Variants in MYO18B observed in about 807,000 individuals in gnomAD.
MYO18B encodes myosin XVIIIB, also known as unconventional myosin-XVIIIb.
Under a neutral mutation model 273.0 loss-of-function variants are expected in MYO18B, and 204 were observed. The observed-to-expected ratio is 0.75, with a 90% CI of 0.67 to 0.84. The LOEUF is 0.84. MYO18B is among the 40% of genes least tolerant of loss of function. The probability of loss-of-function intolerance (pLI) is 0.00; values close to 1 mark genes in which losing one functional copy is unlikely to be tolerated. For missense variants in MYO18B, 3,212 were observed against 3,287.6 expected (o/e 0.98, Z 0.56); for synonymous variants, 1,330 against 1,305.7 (o/e 1.02, Z -0.40).
chr22:25,939,903 TAAC>T (rs2146547305), intron 34 of MYO18B, among the ~76,000 whole-genome samples: 1 of 152,338 alleles, frequency 6.6e-6, no homozygotes, highest in African/African-American at 2.4e-5. Context: ...TCCTCAACTA[TAAC>T]AACAGGAATG....
At chr22:25,904,216 G>T (rs2146351251) in intron 31 of MYO18B, among the ~76,000 whole-genome samples, 1 of 152,266 alleles carries the variant, frequency 6.6e-6, no homozygotes, top group South Asian at 2.1e-4. Flanking sequence ...AAGTCAGATT[G>T]TTTTTCTCTT....
At chr22:25,855,922 A>T (rs1275200589) in intron 21 of MYO18B, among the ~76,000 whole-genome samples, 1 of 151,852 alleles carries the variant, frequency 6.6e-6, no homozygotes, top group Non-Finnish European at 1.5e-5. Flanking sequence ...TTTGGTGTAC[A>T]GATAAGTTCA....
rs747086507 is a variant in MYO18B, at chr22:25,847,472, A to G, written c.3595A>G (p.Ile1199Val). ...SMIKRSRLHF[I>V]HCLVPNPVVE... ...GATCAAAAGGTCCCGGCTGCACTTTATCCACTGCCTGGTACCAAACCCTGT... is the reference window on the plus strand; with the variant it reads ...GATCAAAAGGTCCCGGCTGCACTTTGTCCACTGCCTGGTACCAAACCCTGT... Residue 1199 changes from isoleucine to valine, a missense_variant, in exon 20 of 44, where the codon ATC becomes GTC. Transcript: ENST00000335473. 1.9e-6 allele frequency: 3 copies of G among 1,581,680 alleles called. No individual in the cohort carries two copies. The highest frequency in any genetic ancestry group is 2.6e-6 in the Non-Finnish European group (3 of 1,163,600).
intron 15 of MYO18B, among the ~76,000 whole-genome samples, chr22:25,829,885 A>G (rs2089645575): frequency 6.6e-6 from 1 of 151,964 alleles, no homozygotes; most frequent in Non-Finnish European, 1.5e-5. Flanking sequence ...AATAAAATTT[A>G]CAAAGAAAAG....
In MYO18B at chr22:25,744,135, T is replaced by G. The variant is rs538308372; in HGVS notation, c.-110+1842T>G. ...TCAAAACTCATGGAATTTCCATGTT[T>G]CACAAACATGGAAAACGTGCACAGC... is the stretch of plus-strand genomic sequence containing the variant. On this transcript the variant is annotated intron_variant, in intron 1 of 43. Transcript: ENST00000335473. Among the ~76,000 whole-genome samples the G allele has an allele frequency of 2.0e-5, 3 of 152,330 alleles. No individual in the cohort carries two copies. The East Asian group carries it at 5.8e-4, about 29-fold the overall frequency.
intron 21 of MYO18B, among the ~76,000 whole-genome samples, chr22:25,853,417 A>G (rs984611941): frequency 1.3e-5 from 2 of 152,186 alleles, no homozygotes; most frequent in African/African-American, 4.8e-5. Flanking sequence ...CTCACTATGG[A>G]GGGGACATCA....
At chr22:25,838,735 C>T (rs2089981923) in intron 17 of MYO18B, among the ~76,000 whole-genome samples, 1 of 152,096 alleles carries the variant, frequency 6.6e-6, no homozygotes. Flanking sequence ...GGTTAGCATG[C>T]CCTATGGTAT....
chr22:26,041,365 AAAAAAAAC>A, the MYO18B span, among the ~76,000 whole-genome samples: 141 of 150,922 alleles, frequency 9.3e-4, no homozygotes, highest in African/African-American at 3.3e-3. Context: ...AAAAAAAAAA[AAAAAAAAC>A]AAAACTAGAA....
rs751737852 is a variant in MYO18B, at chr22:25,851,457, C to T, written c.3776-13C>T. ...ACTCTGTGCTCTTCTCCTGCCTGCT[C>T]CTACCTCCCTAGGCTATGCTGACCA... On this transcript the variant is annotated splice_polypyrimidine_tract_variant and intron_variant, in intron 20 of 43. Coordinates refer to ENST00000335473, the MANE Select transcript of MYO18B (RefSeq NM_032608.7). 12 of 1,541,662 alleles carry T rather than the reference C, an allele frequency of 7.8e-6. No homozygotes were observed. The highest frequency in any genetic ancestry group is 9.7e-6 in the Non-Finnish European group (11 of 1,137,770).
chr22:26,048,005 C>T, the MYO18B span, among the ~76,000 whole-genome samples: 10 of 152,248 alleles, frequency 6.6e-5, no homozygotes, highest in African/African-American at 2.2e-4. Context: ...CATTGGAATT[C>T]TCATGGCCGG....
chr22:25,830,374 G>A (rs1262786911), intron 15 of MYO18B, among the ~76,000 whole-genome samples: 1 of 152,114 alleles, frequency 6.6e-6, no homozygotes, highest in African/African-American at 2.4e-5. Flanking sequence ...TAGTGGCTTA[G>A]AAAAAAATCT....
intron 10 of MYO18B, among the ~76,000 whole-genome samples, chr22:25,784,693 A>T (rs1320027050): frequency 6.6e-6 from 1 of 152,172 alleles, no homozygotes; most frequent in Admixed American, 6.5e-5. Context: ...TGCTTTTGTG[A>T]GTAGAGAGTG....
chr22:25,797,292 G>T (rs1054687069), intron 11 of MYO18B, among the ~76,000 whole-genome samples: 1 of 152,150 alleles, frequency 6.6e-6, no homozygotes, highest in African/African-American at 2.4e-5. Flanking sequence ...AATCCCCTTT[G>T]CTCATGTGGT....
chr22:25,892,992 G>T (rs1403360581), intron 27 of MYO18B, among the ~76,000 whole-genome samples: 1 of 152,142 alleles, frequency 6.6e-6, no homozygotes, highest in African/African-American at 2.4e-5. Context: ...TTAGCTCATG[G>T]GCACATTAGT....
chr22:25,839,662 G>A (rs17705141), intron 17 of MYO18B, among the ~76,000 whole-genome samples: 34,601 of 152,124 alleles, frequency 0.23, 4,805 homozygotes, highest in Admixed American at 0.3. Context: ...AAGGCCAGTC[G>A]GACTTGTGAC....
intron 21 of MYO18B, among the ~76,000 whole-genome samples, chr22:25,858,207 T>G (rs1173991408): frequency 6.6e-6 from 1 of 152,346 alleles, no homozygotes; most frequent in Non-Finnish European, 1.5e-5. Flanking sequence ...GAGTTCAAAT[T>G]GTGTCTTCTT....
intron 20 of MYO18B, among the ~76,000 whole-genome samples, chr22:25,848,047 C>T (rs1468884729): frequency 6.6e-6 from 1 of 152,052 alleles, no homozygotes; most frequent in African/African-American, 2.4e-5. Context: ...TTGGCTGCAC[C>T]TGTTGAAAAA....
At chr22:25,944,761 C>T (rs572127998) in intron 34 of MYO18B, among the ~76,000 whole-genome samples, 4 of 151,124 alleles carry the variant, frequency 2.6e-5, no homozygotes, top group Non-Finnish European at 5.9e-5. Flanking sequence ...GCAGGAGAAT[C>T]GCTGGAACCC....
chr22:25,907,993 G>A (rs117502010), intron 31 of MYO18B, among the ~76,000 whole-genome samples: 3,115 of 148,994 alleles, frequency 0.021, 50 homozygotes, highest in Middle Eastern at 0.035. Context: ...AGATTGCGCC[G>A]TGGCACTCCA....
Sources: gnomAD v4.1 joint callset for allele counts (sites outside exome capture counted in the v4.1 genomes callset) on GRCh38, gnomAD v4.1.1 for gene constraint, MANE v1.5 for transcripts, NCBI Gene and HGNC (gene_info 2026-07-23, HGNC 2026-07-21) for gene names.